The following SENP5 variants were observed in gnomAD, a reference collection of about 807,000 sequenced individuals.
The protein encoded by SENP5 is SUMO specific peptidase 5.
A neutral mutation model predicts 74.2 loss-of-function variants in SENP5; 21 were observed. The ratio of observed to expected loss-of-function variants is 0.28; its 90% CI spans 0.20 to 0.41. The LOEUF (loss-of-function observed/expected upper bound fraction) is 0.41, where lower values mean the gene tolerates loss of function less well. SENP5 is among the 10% of genes least tolerant of loss of function. The pLI is 1.00. For synonymous variants in SENP5, 311 were observed against 312.7 expected (o/e 0.99, Z 0.06); for missense variants, 717 against 889.1 (o/e 0.81, Z 2.46).
At chr3:196,878,555 T>C (rs1286243539) in intron 1 of SENP5, among the ~76,000 whole-genome samples, 2 of 152,152 alleles carry the variant, frequency 1.3e-5, no homozygotes, top group Non-Finnish European at 1.5e-5. Context: ...GTCTTTGAGG[T>C]ATTGTTTTGG....
chr3:196,920,773 AT>A (rs1715584893), intron 6 of SENP5, among the ~76,000 whole-genome samples: 1 of 152,176 alleles, frequency 6.6e-6, no homozygotes. Flanking sequence ...TATTCTGCGA[AT>A]GGGACCCAAA....
chr3:196,884,559 G>A (rs532953632), intron 1 of SENP5, among the ~76,000 whole-genome samples: 38 of 151,834 alleles, frequency 2.5e-4, no homozygotes, highest in Non-Finnish European at 5.3e-4. Flanking sequence ...CAGAAGTGCT[G>A]TATTACCTTT....
chr3:196,886,151 C>G lies in SENP5; in HGVS notation c.970C>G (p.Pro324Ala), dbSNP rs139439455. ...GGTGAAGGGGACGAACTCTCATGTGCCTGATTGCCACACTAAAGGAAGCTC... is the reference window on the plus strand; with the variant it reads ...GGTGAAGGGGACGAACTCTCATGTGGCTGATTGCCACACTAAAGGAAGCTC... ...AVVKGTNSHV[P>A]DCHTKGSSFL... Residue 324 changes from proline to alanine, a missense_variant, in exon 2 of 10, where the codon CCT (proline) becomes GCT (alanine). Coordinates refer to ENST00000323460, the MANE Select transcript of SENP5 (RefSeq NM_152699.5). The G allele has an allele frequency of 9.4e-4, 1,517 of 1,614,192 alleles. 2 individuals are homozygous for G. Among genetic ancestry groups the G allele is most frequent in the Non-Finnish European group, 1.2e-3 (1,376 of 1,180,032 alleles).
intron 6 of SENP5, chr3:196,913,059 G>T (rs1715201838): frequency 6.6e-6 from 1 of 152,140 alleles, no homozygotes; most frequent in South Asian, 2.1e-4. Flanking sequence ...AAAGCACACA[G>T]TTGCTAAATA....
chr3:196,915,787 C>A (rs7612194), intron 6 of SENP5, among the ~76,000 whole-genome samples: 28,729 of 152,100 alleles, frequency 0.19, 3,481 homozygotes, highest in Non-Finnish European at 0.24. Flanking sequence ...TCCATCTTAC[C>A]CAAGCACACC....
At chr3:196,882,928 ATTTTTTT>A (rs10576427) in intron 1 of SENP5, among the ~76,000 whole-genome samples, 2 of 144,576 alleles carry the variant, frequency 1.4e-5, no homozygotes, top group Admixed American at 6.9e-5. Flanking sequence ...ATCTTTATGG[ATTTTTTT>A]TTTTTTTTTG....
chr3:196,871,826 G>T (rs1713229688), intron 1 of SENP5, among the ~76,000 whole-genome samples: 1 of 148,160 alleles, frequency 6.7e-6, no homozygotes, highest in South Asian at 2.1e-4. Context: ...CTGCACTCCA[G>T]CCTGGGTGAC....
At chr3:196,915,952 A>G (rs1358399173) in intron 6 of SENP5, among the ~76,000 whole-genome samples, 2 of 152,152 alleles carry the variant, frequency 1.3e-5, no homozygotes, top group Non-Finnish European at 2.9e-5. Flanking sequence ...ACAGATAAAA[A>G]CAAGTCCAAA....
chr3:196,906,254 C>T (rs1304400235), intron 6 of SENP5, among the ~76,000 whole-genome samples: 2 of 151,920 alleles, frequency 1.3e-5, no homozygotes, highest in African/African-American at 4.8e-5. Flanking sequence ...ATTCCAAGGA[C>T]TTTAGGGAGT....
intron 6 of SENP5, among the ~76,000 whole-genome samples, chr3:196,911,552 G>C (rs1715125032): frequency 7.2e-6 from 1 of 137,938 alleles, no homozygotes; most frequent in South Asian, 2.6e-4. Context: ...GTGAGACTTT[G>C]TCTCAAAAAA....
In SENP5 at chr3:196,885,367, A is replaced by T; in HGVS notation, c.186A>T (p.Lys62Asn). ...TGAGACATTTCCAGGGTAGAAAGAA[A>T]GCTCTTCAAATCCAGAAAACGTGGA... ...RQLRHFQGRKKALQIQKTWIK... is the reference protein window; with the variant it reads ...RQLRHFQGRKNALQIQKTWIK... The change falls in exon 2 of 10, where the codon AAA (lysine) becomes AAT (asparagine). Residue 62 changes from lysine to asparagine, a missense_variant. Around this residue, in one of 4 missense-constraint regions of SENP5, gnomAD observed 567 missense variants for 577.4 expected, o/e 0.98. Coordinates refer to ENST00000323460, the MANE Select transcript of SENP5 (RefSeq NM_152699.5). The T allele has an allele frequency of 6.2e-7, 1 of 1,614,194 alleles. No individual in the cohort carries two copies. Among genetic ancestry groups the T allele is most frequent in the Non-Finnish European group, 8.5e-7 (1 of 1,180,028 alleles).
intron 6 of SENP5, among the ~76,000 whole-genome samples, chr3:196,909,022 T>A (rs967473049): frequency 2.0e-5 from 3 of 151,110 alleles, no homozygotes; most frequent in Admixed American, 1.3e-4. Flanking sequence ...CTAGCTAAAC[T>A]AAAGAAGAAA....
intron 2 of SENP5, among the ~76,000 whole-genome samples, chr3:196,895,547 G>T (rs1402286148): frequency 1.3e-5 from 2 of 151,674 alleles, no homozygotes; most frequent in African/African-American, 2.4e-5. Context: ...TTTGAGGCAG[G>T]GTCTCGTTCT....
chr3:196,873,384 T>A (rs1000461706), intron 1 of SENP5, among the ~76,000 whole-genome samples: 13 of 151,926 alleles, frequency 8.6e-5, no homozygotes, highest in Admixed American at 2.6e-4. Context: ...CAGCCGAGAC[T>A]TAACGTCTTT....
intron 6 of SENP5, among the ~76,000 whole-genome samples, chr3:196,908,665 A>C (rs1715002979): frequency 6.6e-6 from 1 of 152,182 alleles, no homozygotes; most frequent in East Asian, 1.9e-4. Context: ...CTCTACTAAA[A>C]ATACAAAATT....
At chr3:196,927,073 G>C (rs1715842953) in intron 7 of SENP5, among the ~76,000 whole-genome samples, 1 of 152,156 alleles carries the variant, frequency 6.6e-6, no homozygotes, top group Admixed American at 6.5e-5. Context: ...GCTTCATCTT[G>C]GTAGATAGTT....
rs750604046 is a variant in SENP5, at chr3:196,929,650, A to G, written c.2124A>G (p.Lys708=). 1.6e-5 allele frequency: 25 copies of G among 1,609,050 alleles called. No individual in the cohort carries two copies. Among genetic ancestry groups the G allele is most frequent in the Non-Finnish European group, 2.1e-5 (25 of 1,176,582 alleles). Residue 708 remains lysine (K), a synonymous_variant, in exon 9 of 10, where the codon AAA becomes AAG. Coordinates refer to ENST00000323460, the MANE Select transcript of SENP5 (RefSeq NM_152699.5). ...CCCTTCAGTGTATTCCACAACAGAAAAACGACAGTGACTGTGGAGTCTTTG... is the reference window on the plus strand; with the variant it reads ...CCCTTCAGTGTATTCCACAACAGAAGAACGACAGTGACTGTGGAGTCTTTG... The part of the protein sequence containing the change: ...TAVTKCIPQQ[K]NDSDCGVFVL...
chr3:196,874,549 G>A (rs777073950), intron 1 of SENP5, among the ~76,000 whole-genome samples: 1 of 151,840 alleles, frequency 6.6e-6, no homozygotes, highest in Non-Finnish European at 1.5e-5. Flanking sequence ...TATCTCCCTG[G>A]TCATTTTTTT....
At chr3:196,917,521 C>T (rs1239648889) in intron 6 of SENP5, among the ~76,000 whole-genome samples, 1 of 152,194 alleles carries the variant, frequency 6.6e-6, no homozygotes, top group African/African-American at 2.4e-5. Context: ...ATTTAATAGT[C>T]AAACTCCCAA....
Sources: gnomAD v4.1 joint callset for allele counts (sites outside exome capture counted in the v4.1 genomes callset) on GRCh38, gnomAD v4.1.1 for gene constraint, gnomAD v4.1.1 regional missense constraint, MANE v1.5 for transcripts, NCBI Gene and HGNC (gene_info 2026-07-23, HGNC 2026-07-21) for gene names.